Variants in GALNT13 observed in about 807,000 individuals in gnomAD.
The protein encoded by GALNT13 is polypeptide N-acetylgalactosaminyltransferase 13, also known as UDP-GalNAc:polypeptide N-acetylgalactosaminyltransferase 13.
A neutral mutation model predicts 64.2 loss-of-function variants in GALNT13; 28 were observed. The observed-to-expected ratio is 0.44, with a 90% CI of 0.32 to 0.60. The LOEUF (loss-of-function observed/expected upper bound fraction) is 0.60, where lower values mean the gene tolerates loss of function less well. Ranked by LOEUF, GALNT13 falls within the 20% of genes least tolerant of loss-of-function variation. The pLI, the probability that GALNT13 is intolerant of heterozygous loss-of-function variation, is 0.05. For missense variants in GALNT13, 577 were observed against 669.8 expected (o/e 0.86, Z 1.53); for synonymous variants, 214 against 224.6 (o/e 0.95, Z 0.42).
the GALNT13 span, among the ~76,000 whole-genome samples, chr2:153,192,262 A>C: frequency 6.6e-6 from 1 of 151,940 alleles, no homozygotes; most frequent in Non-Finnish European, 1.5e-5. Flanking sequence ...TCAAGAAGTC[A>C]TTTGATTCTC....
intron 10 of GALNT13, among the ~76,000 whole-genome samples, chr2:154,407,008 G>T (rs982037702): frequency 6.6e-6 from 1 of 152,140 alleles, no homozygotes; most frequent in Non-Finnish European, 1.5e-5. Context: ...TTCTTAATTT[G>T]TCAAAGAGTA....
At chr2:154,091,097 CTT>C (rs1221283936) in intron 3 of GALNT13, among the ~76,000 whole-genome samples, 11 of 151,890 alleles carry the variant, frequency 7.2e-5, no homozygotes, top group African/African-American at 1.4e-4. Context: ...GTAACTGACT[CTT>C]TGTGTATTTT....
intron 12 of GALNT13, among the ~76,000 whole-genome samples, chr2:154,441,345 G>T (rs1433859238): frequency 6.6e-6 from 1 of 152,146 alleles, no homozygotes; most frequent in African/African-American, 2.4e-5. Context: ...ATTCCAACCT[G>T]TGGAAAGTAA....
At chr2:153,372,188 C>T in the GALNT13 span, among the ~76,000 whole-genome samples, 2 of 151,824 alleles carry the variant, frequency 1.3e-5, no homozygotes, top group Non-Finnish European at 2.9e-5. Context: ...CATGTGGTTT[C>T]GTATTTAATG....
At chr2:153,382,046 G>A in the GALNT13 span, among the ~76,000 whole-genome samples, 1 of 152,072 alleles carries the variant, frequency 6.6e-6, no homozygotes, top group Non-Finnish European at 1.5e-5. Flanking sequence ...AACAGGCAAT[G>A]CTGATAACCA....
chr2:153,735,391 T>C, the GALNT13 span, among the ~76,000 whole-genome samples: 1 of 152,154 alleles, frequency 6.6e-6, no homozygotes, highest in Admixed American at 6.6e-5. Flanking sequence ...CAAAATAAGC[T>C]GCCTTTTTAA....
rs1403135772 is a variant in GALNT13 at position 154,324,467 on chromosome 2, AT to A, written c.1156+22882del. On this transcript the variant is annotated intron_variant, in intron 9 of 12. Transcript: ENST00000392825. ...ATATTGTGATATATTTAACTTACTA[AT>A]TTTGAGAAGCTTCTTGTGAATTAGT... 2.0e-5 allele frequency among the ~76,000 whole-genome samples: 3 copies of A among 152,042 alleles called. No individual in the cohort carries two copies. In the East Asian group the frequency reaches 5.8e-4, roughly 29 times the overall value.
chr2:153,258,449 A>G, the GALNT13 span, among the ~76,000 whole-genome samples: 8 of 152,062 alleles, frequency 5.3e-5, no homozygotes, highest in African/African-American at 1.2e-4. Flanking sequence ...TAGTTTTAAT[A>G]TTATTTATTT....
chr2:153,677,262 A>G, the GALNT13 span, among the ~76,000 whole-genome samples: 1 of 150,166 alleles, frequency 6.7e-6, no homozygotes. Context: ...AATCAAGGAC[A>G]CAATCCTATT....
chr2:154,152,653 C>G (rs903816831), intron 4 of GALNT13, among the ~76,000 whole-genome samples: 11 of 152,130 alleles, frequency 7.2e-5, no homozygotes, highest in African/African-American at 2.7e-4. Flanking sequence ...TTTCTCTAAA[C>G]TTCCCCTCTC....
chr2:154,098,576 A>T (rs534296303), intron 3 of GALNT13, among the ~76,000 whole-genome samples: 22 of 151,834 alleles, frequency 1.4e-4, no homozygotes, highest in African/African-American at 5.3e-4. Flanking sequence ...CCAATAGGTA[A>T]TTTTTCAACC....
the GALNT13 span, among the ~76,000 whole-genome samples, chr2:153,358,821 C>T: frequency 1.6e-4 from 25 of 152,112 alleles, no homozygotes; most frequent in East Asian, 1.9e-4. Context: ...TCACTCCTCC[C>T]GATTTTCCCC....
At chr2:153,685,981 T>G in the GALNT13 span, among the ~76,000 whole-genome samples, 1 of 152,070 alleles carries the variant, frequency 6.6e-6, no homozygotes, top group African/African-American at 2.4e-5. Flanking sequence ...CTGGGTTCTC[T>G]GTTCTGCTCC....
At chr2:153,794,034 C>T in the GALNT13 span, among the ~76,000 whole-genome samples, 4 of 152,086 alleles carry the variant, frequency 2.6e-5, no homozygotes, top group African/African-American at 9.7e-5. Flanking sequence ...AGGATTGTTC[C>T]TTTTGCTATA....
chr2:153,577,677 C>G, the GALNT13 span, among the ~76,000 whole-genome samples: 1 of 151,810 alleles, frequency 6.6e-6, no homozygotes, highest in East Asian at 1.9e-4. Context: ...AAGTCTCAGA[C>G]AAAAATGGAC....
the GALNT13 span, among the ~76,000 whole-genome samples, chr2:153,537,177 T>C: frequency 2.0e-5 from 3 of 152,078 alleles, no homozygotes; most frequent in Non-Finnish European, 4.4e-5. Flanking sequence ...TCTGTAAACA[T>C]GAGAGAGAGA....
intron 9 of GALNT13, among the ~76,000 whole-genome samples, chr2:154,343,890 T>G (rs932473275): frequency 6.6e-6 from 1 of 152,054 alleles, no homozygotes; most frequent in Non-Finnish European, 1.5e-5. Context: ...TGTGACTAAT[T>G]GAACCCCTAA....
chr2:153,767,237 A>T, the GALNT13 span, among the ~76,000 whole-genome samples: 1 of 152,136 alleles, frequency 6.6e-6, no homozygotes, highest in African/African-American at 2.4e-5. Context: ...TTTTGCTTAG[A>T]ATAATGGCCT....
chr2:153,587,063 C>G, the GALNT13 span, among the ~76,000 whole-genome samples: 1 of 151,788 alleles, frequency 6.6e-6, no homozygotes, highest in Non-Finnish European at 1.5e-5. Flanking sequence ...AAAACCCCAT[C>G]TCTACTAAAA....
Sources: gnomAD v4.1 joint callset for allele counts (sites outside exome capture counted in the v4.1 genomes callset) on GRCh38, gnomAD v4.1.1 for gene constraint, MANE v1.5 for transcripts, NCBI Gene and HGNC (gene_info 2026-07-23, HGNC 2026-07-21) for gene names.